The following STMN3 variants were observed in gnomAD, a reference collection of about 807,000 sequenced individuals.
The protein encoded by STMN3 is stathmin-3.
Under a neutral mutation model 23.2 loss-of-function variants are expected in STMN3, and 24 were observed. The observed-to-expected ratio is 1.03, with a 90% CI of 0.75 to 1.45. The LOEUF (loss-of-function observed/expected upper bound fraction) is 1.45, where lower values mean the gene tolerates loss of function less well. Among genes scored for constraint, STMN3 ranks in the 40% most tolerant of loss-of-function variants. STMN3 has a pLI of 0.00. For synonymous variants in STMN3, 117 were observed against 103.4 expected, an observed-to-expected ratio of 1.13 and a Z score of -0.80; for missense variants, 235 against 237.6, an observed-to-expected ratio of 0.99 and a Z score of 0.07.
At chr20:63,643,586 C>G (rs1289696143) in intron 3 of STMN3, 170 bp downstream of exon 3, 25 of 970,608 alleles carry the variant, frequency 2.6e-5, no homozygotes, top group Non-Finnish European at 3.1e-5. Flanking sequence ...CGGCCTCTCC[C>G]CATCCCATTC....
At chr20:63,641,923 GCCCCGGCCCCGCCCCGGC>G (rs2089768138) in intron 4 of STMN3, among the ~76,000 whole-genome samples, 167 bp downstream of exon 4, 38 of 87,782 alleles carry the variant, frequency 4.3e-4, no homozygotes, top group Middle Eastern at 8.5e-3. Flanking sequence ...TCCGAGCTCC[GCCCCGGCCCCGCCCCGGC>G]CCCTGCCCGC....
Position 63,647,652 on chromosome 20 carries a change from GTA to G in STMN3, c.20-3345_20-3344del, listed in dbSNP as rs1186100615. Among the ~76,000 whole-genome samples the G allele has an allele frequency of 3.2e-5, 4 of 126,850 alleles. No homozygotes were observed. The East Asian group carries it at 6.3e-4, about 20-fold the overall frequency. 83.2% of individuals were successfully genotyped at this position (126,850 alleles called of 152,430 possible). On this transcript the variant is annotated intron_variant, in intron 1 of 4. Coordinates refer to ENST00000370053, the MANE Select transcript of STMN3 (RefSeq NM_015894.4). ...CAAACAAACATATATATATATACAT[GTA>G]TATATATAATATATATATACGTATA...
In STMN3 at chr20:63,643,793, A is replaced by G. The variant is rs1243905393; in HGVS notation, c.254T>C (p.Leu85Pro). The G allele has an allele frequency of 1.3e-6, 2 of 1,553,786 alleles. No homozygotes were observed. The highest frequency in any genetic ancestry group is 1.7e-6 in the Non-Finnish European group (2 of 1,158,826). ...CTCGGCTGCCTCCAGCCGCTTTTGC[A>G]GCTCCTCCAGGGAGGTGTCCTTCTT... ...PKKKDTSLEE[L>P]QKRLEAAEER... The change falls in exon 3 of 5, where the codon CTG becomes CCG. Residue 85 changes from leucine (L) to proline (P), a missense_variant. By Grantham distance (98) the Leu-to-Pro change is moderately conservative. Transcript: ENST00000370053.
At position 63,644,286 on chromosome 20, in the gene STMN3, G is replaced by C; in HGVS notation, c.43C>G (p.Leu15Val). ...GAGCAGATGAGCGACAGCACCGACA[G>C]CTCCTTCATCTTCTCCTTGTAGGCT... ...ISAYKEKMKELSVLSLICSCF... is the reference protein window; with the variant it reads ...ISAYKEKMKEVSVLSLICSCF... Residue 15 changes from leucine (L) to valine (V), a missense_variant, in exon 2 of 5, where the codon CTG becomes GTG. Transcript: ENST00000370053. 1 of 1,613,412 alleles carries C rather than the reference G, an allele frequency of 6.2e-7. No homozygotes were observed. The highest frequency in any genetic ancestry group is 8.5e-7 in the Non-Finnish European group (1 of 1,179,798).
intron 1 of STMN3, among the ~76,000 whole-genome samples, chr20:63,650,087 CA>C (rs2089845600): frequency 1.4e-5 from 2 of 148,118 alleles, no homozygotes; most frequent in African/African-American, 5.1e-5. Context: ...CTCAGCCTCC[CA>C]AAGTGCTGGG....
At chr20:63,642,723 G>A (rs1291399906) in intron 3 of STMN3, among the ~76,000 whole-genome samples, 2 of 152,236 alleles carry the variant, frequency 1.3e-5, no homozygotes, top group Non-Finnish European at 2.9e-5. Flanking sequence ...GTAGCTGCTT[G>A]TTACACACCG....
At chr20:63,647,813 G>GTA (rs1362189509) in intron 1 of STMN3, among the ~76,000 whole-genome samples, 1 of 118,518 alleles carries the variant, frequency 8.4e-6, no homozygotes, top group Non-Finnish European at 1.8e-5. Context: ...ATATACACGT[G>GTA]TATATATAAT....
chr20:63,640,205 GA>G lies in STMN3; in HGVS notation c.*1132del, dbSNP rs1305690529. ...GTGGGGGATGCTGCAGTGGTACAAA[GA>G]CAGCCTCCCCCACCGCCATCCTCCA... On this transcript the variant is annotated 3_prime_UTR_variant, in exon 5 of 5. Coordinates refer to ENST00000370053, the MANE Select transcript of STMN3 (RefSeq NM_015894.4). The G allele has an allele frequency of 6.5e-6, 1 of 152,778 alleles. No homozygotes were observed. Among genetic ancestry groups the G allele is most frequent in the Admixed American group, 6.5e-5 (1 of 15,270 alleles). The allele number at this position is 152,778 out of a possible 1,614,324, so 9.5% of individuals were successfully genotyped here.
At chr20:63,642,682 C>T (rs2089778605) in intron 3 of STMN3, among the ~76,000 whole-genome samples, 1 of 152,252 alleles carries the variant, frequency 6.6e-6, no homozygotes, top group Admixed American at 6.5e-5. Context: ...TGAGCTTTGT[C>T]TCTTCCTCGG....
intron 1 of STMN3, among the ~76,000 whole-genome samples, chr20:63,647,754 T>C (rs1363926213): frequency 2.4e-5 from 3 of 124,320 alleles, no homozygotes; most frequent in Non-Finnish European, 3.4e-5. Flanking sequence ...TGTATATATA[T>C]AATATATATA....
Position 63,641,182 on chromosome 20 carries a change from G to A in STMN3, c.*156C>T, listed in dbSNP as rs557408344. 40 of 719,522 alleles carry A rather than the reference G, an allele frequency of 5.6e-5. No individual in the cohort carries two copies. The East Asian group carries it at 9.5e-4, about 17-fold the overall frequency. The allele number at this position is 719,522 out of a possible 1,614,324, so 44.6% of individuals were successfully genotyped here. ...GCCGTGGTCAGCGACTCACCACGAG[G>A]ACAGGGCAGGGCGGCTGAGTGCGGA... On this transcript the variant is annotated 3_prime_UTR_variant, in exon 5 of 5. Transcript: ENST00000370053.
chr20:63,650,130 C>T (rs1364466104), intron 1 of STMN3, among the ~76,000 whole-genome samples: 6 of 89,310 alleles, frequency 6.7e-5, no homozygotes, highest in Non-Finnish European at 1.1e-4. Flanking sequence ...GCCTGGCCCC[C>T]CGCAGTGCTG....
At chr20:63,646,983 C>T (rs373623947) in intron 1 of STMN3, among the ~76,000 whole-genome samples, 14 of 149,482 alleles carry the variant, frequency 9.4e-5, no homozygotes, top group Non-Finnish European at 1.6e-4. Context: ...TGAGCCACCG[C>T]GCCCGCCCGG....
chr20:63,643,816 C>G lies in STMN3; in HGVS notation c.231G>C (p.Lys77Asn). The change falls in exon 3 of 5, where the codon AAG becomes AAC. Residue 77 changes from lysine to asparagine, a missense_variant. Transcript: ENST00000370053. ...GCAGCTCCTCCAGGGAGGTGTCCTTCTTCTTGGGTGGGGAGGAGAGCATAG... is the reference window on the plus strand; with the variant it reads ...GCAGCTCCTCCAGGGAGGTGTCCTTGTTCTTGGGTGGGGAGGAGAGCATAG... Reference protein sequence around the residue: ...ESPMLSSPPKKKDTSLEELQK... With the variant: ...ESPMLSSPPKNKDTSLEELQK... 1 of 1,561,636 alleles carries G rather than the reference C, an allele frequency of 6.4e-7. No individual in the cohort carries two copies. The highest frequency in any genetic ancestry group is 2.4e-5 in the East Asian group (1 of 42,180).
rs917052642 is a variant in STMN3 at position 63,652,086 on chromosome 20, A to T, written c.19+1241T>A. The stretch of plus-strand genomic sequence containing the variant: ...AAGCGCAGATGGACAGGACTCCCAG[A>T]TAGGGTGGGGAGGTGTGGCCGGTGA... On this transcript the variant is annotated intron_variant, in intron 1 of 4. Transcript: ENST00000370053. This position sits in a 1 kb window ranked among gnomAD's most constrained non-coding sequence, Gnocchi z 5.3. 6.6e-6 allele frequency: 1 copy of T among 152,344 alleles called. No homozygotes were observed. The highest frequency in any genetic ancestry group is 2.4e-5 in the African/African-American group (1 of 41,444). The allele number at this position is 152,344 out of a possible 1,614,324, so 9.4% of individuals were successfully genotyped here.
chr20:63,653,198 C>G, intron 1 of STMN3, 129 bp downstream of exon 1: 2 of 1,250,628 alleles, frequency 1.6e-6, no homozygotes, highest in Non-Finnish European at 2.2e-6. Context: ...GGGTCGGGCC[C>G]AGGCTTGCAA....
intron 1 of STMN3, among the ~76,000 whole-genome samples, chr20:63,646,480 G>A (rs6062474): frequency 3.3e-5 from 5 of 150,992 alleles, no homozygotes; most frequent in African/African-American, 1.2e-4. Flanking sequence ...TCAGCCTCCC[G>A]AGTAGCTGGG....
At chr20:63,644,509 T>C (rs1445065904) in intron 1 of STMN3, among the ~76,000 whole-genome samples, 200 bp from the exon 2 acceptor site, 1 of 151,242 alleles carries the variant, frequency 6.6e-6, no homozygotes, top group Admixed American at 6.6e-5. Context: ...GTCTCCGTGG[T>C]GTGTCCCCTG....
At position 63,640,081 on chromosome 20, in the gene STMN3, A is replaced by AG. The variant is rs1222437986; in HGVS notation, c.*1256dup. 1 of 152,888 alleles carries AG rather than the reference A, an allele frequency of 6.5e-6. No homozygotes were observed. Among genetic ancestry groups the AG allele is most frequent in the African/African-American group, 2.4e-5 (1 of 41,430 alleles). The allele number at this position is 152,888 out of a possible 1,614,324, so 9.5% of individuals were successfully genotyped here. On this transcript the variant is annotated 3_prime_UTR_variant, in exon 5 of 5. Coordinates refer to ENST00000370053, the MANE Select transcript of STMN3 (RefSeq NM_015894.4). ...AAGGCCTCCCGCAGGATGGAAGTTG[A>AG]GGGCCCTGGCTCTGGGTCCTAAGAG...
Sources: gnomAD v4.1 joint callset for allele counts (sites outside exome capture counted in the v4.1 genomes callset) on GRCh38, gnomAD v4.1.1 for gene constraint, Gnocchi (gnomAD v3.1) non-coding constraint, MANE v1.5 for transcripts, NCBI Gene and HGNC (gene_info 2026-07-23, HGNC 2026-07-21) for gene names.